Variants in PRUNE2 observed in about 807,000 individuals in gnomAD.
PRUNE2 encodes protein prune homolog 2.
Under a neutral mutation model 252.0 loss-of-function variants are expected in PRUNE2, and 164 were observed. That is an observed-to-expected ratio of 0.65 (90% CI 0.57 to 0.74). The LOEUF is 0.74. Among genes scored for constraint, PRUNE2 ranks in the 30% least tolerant of loss-of-function variants. The pLI, the probability that PRUNE2 is intolerant of heterozygous loss-of-function variation, is 0.00. For synonymous variants in PRUNE2, 1,292 were observed against 1,350.2 expected (o/e 0.96, Z 0.94); for missense variants, 3,495 against 3,711.0 (o/e 0.94, Z 1.51).
At chr9:76,633,178 T>C (rs1838485462) in intron 15 of PRUNE2, among the ~76,000 whole-genome samples, 1 of 152,122 alleles carries the variant, frequency 6.6e-6, no homozygotes, top group Non-Finnish European at 1.5e-5. Context: ...GCAGAGATCA[T>C]GCCACTGCAC....
At chr9:76,615,200 G>T (rs1828846229) in intron 18 of PRUNE2, 2 of 985,240 alleles carry the variant, frequency 2.0e-6, no homozygotes, top group Non-Finnish European at 2.4e-6. Flanking sequence ...CTCGAATCAC[G>T]TCTCTCTTCT....
chr9:76,673,145 A>G (rs2041851120), intron 9 of PRUNE2, among the ~76,000 whole-genome samples: 1 of 152,184 alleles, frequency 6.6e-6, no homozygotes, highest in African/African-American at 2.4e-5. Flanking sequence ...AACAAAATTG[A>G]TAGACCGCTA....
chr9:76,897,171 C>T (rs1338418535), intron 1 of PRUNE2, among the ~76,000 whole-genome samples: 2 of 152,080 alleles, frequency 1.3e-5, no homozygotes, highest in Non-Finnish European at 2.9e-5. Flanking sequence ...CTTGGGTCAG[C>T]GTGAACAATA....
intron 1 of PRUNE2, among the ~76,000 whole-genome samples, chr9:76,859,813 C>T (rs2060453773): frequency 6.6e-6 from 1 of 152,118 alleles, no homozygotes; most frequent in African/African-American, 2.4e-5. Context: ...AGCAATTCTC[C>T]TGCCTCAGTT....
chr9:76,642,002 A>G (rs996061373), intron 12 of PRUNE2: 4 of 207,790 alleles, frequency 1.9e-5, no homozygotes, highest in African/African-American at 8.2e-5. Context: ...TAAGAGAAGT[A>G]AAAAAAAAAA....
chr9:76,622,135 A>T (rs700804), intron 17 of PRUNE2, among the ~76,000 whole-genome samples: 1 of 152,136 alleles, frequency 6.6e-6, no homozygotes, highest in Admixed American at 6.5e-5. Flanking sequence ...AATGAACTGA[A>T]TGTTATGCAA....
chr9:76,757,894 G>A (rs975930627), intron 6 of PRUNE2, among the ~76,000 whole-genome samples: 3 of 152,158 alleles, frequency 2.0e-5, no homozygotes, highest in African/African-American at 2.4e-5. Flanking sequence ...AATAGATCCC[G>A]AAAGTCTTAG....
intron 1 of PRUNE2, among the ~76,000 whole-genome samples, chr9:76,879,769 C>T (rs2061657872): frequency 1.3e-5 from 2 of 149,650 alleles, no homozygotes; most frequent in South Asian, 4.2e-4. Context: ...CAGCAAAGAC[C>T]CTGAGGTGGA....
chr9:76,881,954 C>T (rs2061815730), intron 1 of PRUNE2, among the ~76,000 whole-genome samples: 3 of 152,218 alleles, frequency 2.0e-5, no homozygotes, highest in Middle Eastern at 3.4e-3. Context: ...AGGAATTATA[C>T]AATATGTAAT....
At chr9:76,666,710 C>T (rs957361538) in intron 9 of PRUNE2, among the ~76,000 whole-genome samples, 4 of 152,118 alleles carry the variant, frequency 2.6e-5, no homozygotes, top group African/African-American at 7.2e-5. Context: ...CCAGTCTCCG[C>T]GTCTTGGTGG....
chr9:76,899,115 G>A (rs2063017202), intron 1 of PRUNE2, among the ~76,000 whole-genome samples: 1 of 152,234 alleles, frequency 6.6e-6, no homozygotes, highest in African/African-American at 2.4e-5. Flanking sequence ...GGCAGCAAGA[G>A]ACTAGGCTGG....
chr9:76,702,086 G>A (rs987487988), intron 9 of PRUNE2, among the ~76,000 whole-genome samples: 4 of 150,448 alleles, frequency 2.7e-5, no homozygotes, highest in African/African-American at 9.8e-5. Context: ...TTGAGACGGA[G>A]TCTGGCTCTG....
intron 1 of PRUNE2, among the ~76,000 whole-genome samples, chr9:76,883,741 T>C (rs1412866656): frequency 6.6e-6 from 1 of 152,212 alleles, no homozygotes; most frequent in Non-Finnish European, 1.5e-5. Context: ...CTACTTATAC[T>C]GTGGAGATTT....
At chr9:76,724,075 G>A (rs1308125195) in intron 6 of PRUNE2, among the ~76,000 whole-genome samples, 4 of 150,892 alleles carry the variant, frequency 2.7e-5, no homozygotes, top group Admixed American at 1.3e-4. Context: ...GATTACAGGC[G>A]TGAGCCACCG....
intron 9 of PRUNE2, among the ~76,000 whole-genome samples, chr9:76,671,598 T>C (rs2041488638): frequency 6.6e-6 from 1 of 151,868 alleles, no homozygotes; most frequent in Non-Finnish European, 1.5e-5. Flanking sequence ...AGACACATAA[T>C]TGTCAGATTC....
chr9:76,799,271 G>A (rs1259748140), intron 6 of PRUNE2, among the ~76,000 whole-genome samples: 2 of 151,540 alleles, frequency 1.3e-5, no homozygotes, highest in Non-Finnish European at 2.9e-5. Context: ...AACCCAGGAG[G>A]TGGAGGTTGC....
chr9:76,718,123 T>C (rs906301852), intron 6 of PRUNE2, among the ~76,000 whole-genome samples: 4 of 152,204 alleles, frequency 2.6e-5, no homozygotes, highest in African/African-American at 7.2e-5. Context: ...TGGTGCCCCA[T>C]AGATTACTCC....
At chr9:76,635,026 G>A (rs1839390559) in intron 15 of PRUNE2, among the ~76,000 whole-genome samples, 1 of 152,132 alleles carries the variant, frequency 6.6e-6, no homozygotes, top group Non-Finnish European at 1.5e-5. Flanking sequence ...AGGCTGGAGT[G>A]CAGTGGTGTG....
intron 6 of PRUNE2, chr9:76,782,662 C>T (rs1482766761): frequency 2.0e-5 from 3 of 152,084 alleles, no homozygotes. Context: ...TGTTCTATGT[C>T]CTAAGGAATT....
Sources: gnomAD v4.1 joint callset for allele counts (sites outside exome capture counted in the v4.1 genomes callset) on GRCh38, gnomAD v4.1.1 for gene constraint, MANE v1.5 for transcripts, NCBI Gene and HGNC (gene_info 2026-07-23, HGNC 2026-07-21) for gene names.